The following ZNF404 variants were observed in gnomAD, a reference collection of about 807,000 sequenced individuals.
ZNF404 encodes the protein zinc finger protein 404.
A neutral mutation model predicts 7.3 loss-of-function variants in ZNF404; 7 were observed. The observed-to-expected ratio is 0.95, with a 90% confidence interval of 0.54 to 1.79. The LOEUF (loss-of-function observed/expected upper bound fraction) is 1.79. Among genes scored for constraint, ZNF404 ranks in the 40% most tolerant of loss-of-function variants. The pLI is 0.00. For missense variants in ZNF404, 560 were observed against 661.5 expected, an observed-to-expected ratio of 0.85 and a Z score of 1.68; for synonymous variants, 191 against 209.9, an observed-to-expected ratio of 0.91 and a Z score of 0.78.
intron 1 of ZNF404, among the ~76,000 whole-genome samples, chr19:43,882,425 A>G (rs1276423147): frequency 6.6e-6 from 1 of 152,212 alleles, no homozygotes; most frequent in Non-Finnish European, 1.5e-5. Context: ...AAAAATCTAC[A>G]TAAGCTTGGG....
At chr19:43,876,623 C>A (rs1485447160) in intron 2 of ZNF404, among the ~76,000 whole-genome samples, 2 of 152,006 alleles carry the variant, frequency 1.3e-5, no homozygotes, top group Non-Finnish European at 2.9e-5. Flanking sequence ...AAAAGTGACA[C>A]CAGCTAGACT....
rs1971816946 is a variant in ZNF404 at position 43,872,418 on chromosome 19, G to A, written c.*137C>T. On this transcript the variant is annotated 3_prime_UTR_variant, in exon 3 of 3. Coordinates refer to ENST00000587539, the MANE Select transcript of ZNF404 (RefSeq NM_001033719.3). This position sits in a 1 kb window ranked among gnomAD's most constrained non-coding sequence, Gnocchi z 4.4. ...TTCTAACAATTATCATAAAAATAAT[G>A]TATTTAGTAAGCAAATACGATGTGC... The A allele has an allele frequency of 1.7e-6, 1 of 582,866 alleles. No individual in the cohort carries two copies. 36.1% of individuals were successfully genotyped at this position (582,866 alleles called of 1,614,324 possible). A position where few individuals can be genotyped will look rare whatever the true frequency, so the allele number is the denominator to read the frequency against.
At chr19:43,882,549 C>T (rs1315504315) in intron 1 of ZNF404, among the ~76,000 whole-genome samples, 2 of 152,072 alleles carry the variant, frequency 1.3e-5, no homozygotes, top group East Asian at 3.9e-4. Context: ...AAATGGAACT[C>T]TCATACACTG....
At chr19:43,883,868 T>C in intron 1 of ZNF404, 88 bp downstream of exon 1, 1 of 1,393,560 alleles carries the variant, frequency 7.2e-7, no homozygotes, top group Non-Finnish European at 1.0e-6. Flanking sequence ...CTTTCTGAGA[T>C]AGGAGGTTTC....
intron 2 of ZNF404, among the ~76,000 whole-genome samples, chr19:43,874,735 C>T (rs1244370329): frequency 6.6e-6 from 1 of 152,044 alleles, no homozygotes; most frequent in Non-Finnish European, 1.5e-5. Context: ...GTCTAGATTC[C>T]ATTTCCCAAT....
intron 2 of ZNF404, among the ~76,000 whole-genome samples, 185 bp downstream of exon 2, chr19:43,879,824 CA>C (rs1331059743): frequency 6.6e-6 from 1 of 152,156 alleles, no homozygotes; most frequent in East Asian, 1.9e-4. Flanking sequence ...AGTGAAGATT[CA>C]GGTGCTGAAT....
intron 2 of ZNF404, among the ~76,000 whole-genome samples, chr19:43,879,732 C>T (rs1171196541): frequency 6.6e-6 from 1 of 152,048 alleles, no homozygotes; most frequent in Non-Finnish European, 1.5e-5. Context: ...CAGAAAAATA[C>T]CAGAATTCAA....
At chr19:43,874,762 C>A (rs555003588) in intron 2 of ZNF404, among the ~76,000 whole-genome samples, 6 of 152,154 alleles carry the variant, frequency 3.9e-5, no homozygotes, top group African/African-American at 1.4e-4. Context: ...CCTTTATACT[C>A]CTTCTCTCAA....
chr19:43,877,582 A>T (rs1971858698), intron 2 of ZNF404, among the ~76,000 whole-genome samples: 1 of 151,688 alleles, frequency 6.6e-6, no homozygotes, highest in South Asian at 2.1e-4. Flanking sequence ...TTATTTATTT[A>T]TTTATTTTTT....
chr19:43,873,971 A>T lies in ZNF404; in HGVS notation c.243T>A (p.Leu81=). 1 of 1,612,678 alleles carries T rather than the reference A, an allele frequency of 6.2e-7. No homozygotes were observed. Among genetic ancestry groups the T allele is most frequent in the Non-Finnish European group, 8.5e-7 (1 of 1,179,342 alleles). ...ETWKRNKTFN[L]MRFIFRTDPQ... ...GGTCAGTTCTGAAAATAAACCTCATAAGGTTGAAGGTTTTATTTCTTTTCC... is the reference window on the plus strand; with the variant it reads ...GGTCAGTTCTGAAAATAAACCTCATTAGGTTGAAGGTTTTATTTCTTTTCC... The change falls in exon 3 of 3, where the codon CTT becomes CTA. Residue 81 remains leucine (L), a synonymous_variant. Coordinates refer to ENST00000587539, the MANE Select transcript of ZNF404 (RefSeq NM_001033719.3).
At chr19:43,882,993 T>A (rs1255343752) in intron 1 of ZNF404, among the ~76,000 whole-genome samples, 1 of 151,476 alleles carries the variant, frequency 6.6e-6, no homozygotes, top group Non-Finnish European at 1.5e-5. Context: ...CCTGGCTACT[T>A]GGGAGGCTGA....
Position 43,873,052 on chromosome 19 carries a change from A to G in ZNF404, c.1162T>C (p.Cys388Arg). The change falls in exon 3 of 3, where the codon TGT becomes CGT. Residue 388 changes from cysteine to arginine, a missense_variant. Cys to Arg is a radical substitution (Grantham distance 180, BLOSUM62 -3). Transcript: ENST00000587539. ...GAATGAAGCTTAAAAGTCTTCCCAC[A>G]TTCTTTACATTCATGTGGCTTCTCA... Reference protein sequence around the residue: ...TGEKPHECKECGKTFKLHSYL... With the variant: ...TGEKPHECKERGKTFKLHSYL... The G allele has an allele frequency of 6.2e-7, 1 of 1,610,856 alleles. No homozygotes were observed. The highest frequency in any genetic ancestry group is 8.5e-7 in the Non-Finnish European group (1 of 1,178,130).
At position 43,874,154 on chromosome 19, in the gene ZNF404, A is replaced by C. The variant is rs531622538; in HGVS notation, c.137-77T>G. The C allele has an allele frequency of 3.4e-4, 337 of 996,304 alleles. 2 individuals carry two copies. The South Asian group carries it at 5.6e-3, about 17-fold the overall frequency. The allele number at this position is 996,304 out of a possible 1,614,324, so 61.7% of individuals were successfully genotyped here. A position where few individuals can be genotyped will look rare whatever the true frequency, so the allele number is the denominator to read the frequency against. On this transcript the variant is annotated intron_variant, in intron 2 of 2. Coordinates refer to ENST00000587539, the MANE Select transcript of ZNF404 (RefSeq NM_001033719.3). The stretch of plus-strand genomic sequence containing the variant: ...GGGAGAGGACATCTATATTAAAAAT[A>C]GTGATAAACTAAAAAGTGTATCTGT...
At position 43,872,857 on chromosome 19, in the gene ZNF404, G is replaced by A. The variant is rs371443053; in HGVS notation, c.1357C>T (p.Gln453Ter). The A allele has an allele frequency of 2.5e-6, 4 of 1,608,002 alleles. No homozygotes were observed. Among genetic ancestry groups the A allele is most frequent in the African/African-American group, 1.3e-5 (1 of 74,814 alleles). ...ECGKTFRLNS[Q>*]LIYHQTIHTG... is the part of the protein sequence containing the mutation. ...TGAATTGTCTGATGATAAATTAGTT[G>A]AGAATTAAGTCTAAAGGTTTTTCCA... Residue 453 changes from glutamine to a stop codon, truncating the protein, a stop_gained, in exon 3 of 3, where the codon CAA becomes TAA. Transcript: ENST00000587539. LOFTEE classifies it low-confidence loss of function (END_TRUNC). The surrounding 1 kb of genome is among the most constrained non-coding windows in gnomAD (Gnocchi z 4.4).
At chr19:43,878,553 C>T (rs952312249) in intron 2 of ZNF404, among the ~76,000 whole-genome samples, 1 of 152,120 alleles carries the variant, frequency 6.6e-6, no homozygotes, top group Non-Finnish European at 1.5e-5. Context: ...TCTGATGGAA[C>T]TACCCTGGAG....
chr19:43,879,937 C>T, intron 2 of ZNF404, 73 bp downstream of exon 2: 2 of 1,570,312 alleles, frequency 1.3e-6, no homozygotes, highest in Non-Finnish European at 1.7e-6. Context: ...TGGCATAGAC[C>T]ATAAAATATA....
intron 2 of ZNF404, among the ~76,000 whole-genome samples, chr19:43,876,292 C>T (rs1055275266): frequency 6.6e-5 from 10 of 151,592 alleles, no homozygotes; most frequent in African/African-American, 2.4e-4. Flanking sequence ...CTAGCCTGGG[C>T]GACAGAGTGA....
At chr19:43,881,070 A>G (rs554012405) in intron 1 of ZNF404, among the ~76,000 whole-genome samples, 1 of 152,330 alleles carries the variant, frequency 6.6e-6, no homozygotes, top group African/African-American at 2.4e-5. Context: ...AAACAAGAAA[A>G]GAAGGGAACA....
Position 43,873,467 on chromosome 19 carries a change from C to T in ZNF404, c.747G>A (p.Gly249=). The T allele has an allele frequency of 1.2e-6, 2 of 1,613,480 alleles. No homozygotes were observed. Among genetic ancestry groups the T allele is most frequent in the Non-Finnish European group, 1.7e-6 (2 of 1,179,660 alleles). ...GLKPFECKEC[G]ETFRLYRHMC... Reference sequence around the variant, plus strand: ...TATGTCGATATAATCTAAACGTTTCCCCACATTCCTTACATTCAAAGGGTT... The same window carrying T: ...TATGTCGATATAATCTAAACGTTTCTCCACATTCCTTACATTCAAAGGGTT... Residue 249 remains glycine, a synonymous_variant, in exon 3 of 3, where the codon GGG becomes GGA. Coordinates refer to ENST00000587539, the MANE Select transcript of ZNF404 (RefSeq NM_001033719.3).
Sources: allele counts gnomAD v4.1 joint callset (sites outside exome capture counted in the v4.1 genomes callset), GRCh38; gene constraint gnomAD v4.1.1; non-coding constraint Gnocchi (gnomAD v3.1); transcripts MANE v1.5; gene names NCBI Gene and HGNC (gene_info 2026-07-23, HGNC 2026-07-21).